DOCK4: variants seen among roughly 807,000 people sequenced by gnomAD.
DOCK4 encodes the protein dedicator of cytokinesis 4.
Under a neutral mutation model 268.1 loss-of-function variants are expected in DOCK4, and 97 were observed. That is an observed-to-expected ratio of 0.36 (90% CI 0.31 to 0.43). The LOEUF is 0.43. Among genes scored for constraint, DOCK4 ranks in the 20% least tolerant of loss-of-function variants. The probability of loss-of-function intolerance (pLI) is 1.00; values close to 1 mark genes in which losing one functional copy is unlikely to be tolerated. For missense variants in DOCK4, 2,145 were observed against 2,455.7 expected (o/e 0.87, Z 2.67); for synonymous variants, 954 against 887.2 (o/e 1.08, Z -1.34).
chr7:111,828,890 A>ATATATATATATATG (rs1554605975), intron 26 of DOCK4, among the ~76,000 whole-genome samples: 1 of 69,270 alleles, frequency 1.4e-5, no homozygotes, highest in African/African-American at 2.8e-4. Context: ...GTGTGTGTGT[A>ATATATATATATATG]TATATATATA....
At chr7:112,117,086 C>T (rs956329328) in intron 1 of DOCK4, among the ~76,000 whole-genome samples, 32 of 152,316 alleles carry the variant, frequency 2.1e-4, no homozygotes, top group East Asian at 1.9e-4. Flanking sequence ...CCTGTGCACA[C>T]ACTTTAAAAC....
chr7:111,907,325 G>A (rs1791669216), intron 13 of DOCK4, among the ~76,000 whole-genome samples: 1 of 152,166 alleles, frequency 6.6e-6, no homozygotes, highest in Non-Finnish European at 1.5e-5. Context: ...AAGGGCACAT[G>A]ATGCAACACC....
intron 30 of DOCK4, among the ~76,000 whole-genome samples, chr7:111,807,267 T>C (rs1406767399): frequency 6.6e-6 from 1 of 152,180 alleles, no homozygotes; most frequent in Non-Finnish European, 1.5e-5. Flanking sequence ...GCTAAATTAA[T>C]GTCGAATGCA....
intron 52 of DOCK4, among the ~76,000 whole-genome samples, chr7:111,729,787 C>T (rs898587025): frequency 3.9e-5 from 6 of 152,242 alleles, no homozygotes; most frequent in African/African-American, 1.4e-4. Flanking sequence ...ACCCGAGGTT[C>T]TGCACCTGAT....
chr7:112,201,175 T>C (rs1820903369), intron 1 of DOCK4, among the ~76,000 whole-genome samples: 1 of 152,182 alleles, frequency 6.6e-6, no homozygotes, highest in African/African-American at 2.4e-5. Context: ...TTAAAGCATC[T>C]TTCTAAGGAG....
At chr7:111,854,887 A>G (rs1193928979) in intron 23 of DOCK4, among the ~76,000 whole-genome samples, 1 of 152,254 alleles carries the variant, frequency 6.6e-6, no homozygotes, top group Non-Finnish European at 1.5e-5. Context: ...TTAATCAATG[A>G]AATACCCAAT....
At chr7:112,042,951 C>A (rs1358393726) in intron 1 of DOCK4, among the ~76,000 whole-genome samples, 1 of 152,166 alleles carries the variant, frequency 6.6e-6, no homozygotes, top group Admixed American at 6.5e-5. Context: ...TTCTTTTGCA[C>A]CGCCCCGCCC....
At chr7:111,913,387 T>G (rs1279328667) in intron 13 of DOCK4, among the ~76,000 whole-genome samples, 2 of 150,394 alleles carry the variant, frequency 1.3e-5, no homozygotes. Context: ...CTGGGCAACA[T>G]AGGGAGATCC....
In DOCK4 at chr7:111,728,728, G is replaced by T; in HGVS notation, c.5482-8C>A. On this transcript the variant is annotated splice_region_variant and splice_polypyrimidine_tract_variant and intron_variant, in intron 52 of 52. Coordinates refer to ENST00000428084, the MANE Select transcript of DOCK4 (RefSeq NM_001363540.2). ...GAAAGACTGCACAGAGCCCTGCTCCGGGGAGAAGGAAACGAGAGGGAGACA... is the reference window on the plus strand; with the variant it reads ...GAAAGACTGCACAGAGCCCTGCTCCTGGGAGAAGGAAACGAGAGGGAGACA... 1 of 1,598,064 alleles carries T rather than the reference G, an allele frequency of 6.3e-7. No homozygotes were observed. The highest frequency in any genetic ancestry group is 2.2e-5 in the East Asian group (1 of 44,466).
chr7:112,001,502 T>C (rs1386053162), intron 2 of DOCK4, among the ~76,000 whole-genome samples: 1 of 152,100 alleles, frequency 6.6e-6, no homozygotes, highest in Non-Finnish European at 1.5e-5. Flanking sequence ...CTTATTTTAC[T>C]TAATCATGGC....
chr7:112,030,082 A>G (rs900890835), intron 1 of DOCK4, among the ~76,000 whole-genome samples: 10 of 152,234 alleles, frequency 6.6e-5, no homozygotes, highest in African/African-American at 2.4e-4. Flanking sequence ...CACATCTCCA[A>G]TTCAAATGCT....
intron 1 of DOCK4, among the ~76,000 whole-genome samples, chr7:112,135,852 A>G (rs942840365): frequency 2.6e-5 from 4 of 152,276 alleles, no homozygotes; most frequent in Admixed American, 1.3e-4. Context: ...TTCCTGGTGG[A>G]ATATCTGAAA....
chr7:111,813,125 T>C (rs60149761), intron 27 of DOCK4, among the ~76,000 whole-genome samples: 11,215 of 152,248 alleles, frequency 0.074, 1,395 homozygotes, highest in African/African-American at 0.26. Context: ...AAACTGAGGA[T>C]CAATATATAA....
intron 52 of DOCK4, among the ~76,000 whole-genome samples, chr7:111,730,753 C>T (rs944445891): frequency 6.6e-6 from 1 of 152,120 alleles, no homozygotes; most frequent in African/African-American, 2.4e-5. Flanking sequence ...CACAAATGTT[C>T]GATCTATGTT....
chr7:111,854,934 A>T (rs991963962), intron 23 of DOCK4, among the ~76,000 whole-genome samples: 1 of 152,238 alleles, frequency 6.6e-6, no homozygotes, highest in African/African-American at 2.4e-5. Context: ...GTGATTCAAG[A>T]AGCAAAACAC....
At chr7:111,804,014 C>T (rs1213090971) in intron 30 of DOCK4, among the ~76,000 whole-genome samples, 3 of 152,152 alleles carry the variant, frequency 2.0e-5, no homozygotes, top group Non-Finnish European at 4.4e-5. Flanking sequence ...TAAAATGTTA[C>T]AGCAGCTGTG....
chr7:111,959,178 GCATGTCTAGA>G (rs1248182221), intron 8 of DOCK4, among the ~76,000 whole-genome samples: 1 of 152,162 alleles, frequency 6.6e-6, no homozygotes, highest in African/African-American at 2.4e-5. Context: ...ATCTGTGCCA[GCATGTCTAGA>G]CATGGCAGGA....
intron 32 of DOCK4, 77 bp from the exon 33 acceptor site, chr7:111,784,200 T>G (rs921296978): frequency 1.4e-6 from 2 of 1,441,528 alleles, no homozygotes; most frequent in Non-Finnish European, 1.9e-6. Flanking sequence ...ATGCATATAA[T>G]CATATTTTCA....
intron 10 of DOCK4, among the ~76,000 whole-genome samples, chr7:111,941,779 G>C (rs571163798): frequency 6.6e-6 from 1 of 152,076 alleles, no homozygotes; most frequent in Admixed American, 6.5e-5. Context: ...ATCTAAAGCT[G>C]CACTAAAGAA....
Sources: allele counts gnomAD v4.1 joint callset (sites outside exome capture counted in the v4.1 genomes callset), GRCh38; gene constraint gnomAD v4.1.1; transcripts MANE v1.5; gene names NCBI Gene and HGNC (gene_info 2026-07-23, HGNC 2026-07-21).